Variants in KCNB2 observed in about 807,000 individuals in gnomAD.
KCNB2 encodes delayed rectifier potassium channel protein.
In KCNB2, 15 loss-of-function variants were observed where a neutral mutation model predicts 61.5. That is an observed-to-expected ratio of 0.24 (90% confidence interval 0.16 to 0.38). KCNB2 has a LOEUF of 0.38. Ranked by LOEUF, KCNB2 falls within the 10% of genes least tolerant of loss-of-function variation. The probability of loss-of-function intolerance (pLI) is 1.00; values close to 1 mark genes in which losing one functional copy is unlikely to be tolerated. For missense variants in KCNB2, 828 were observed against 1,125.2 expected, an observed-to-expected ratio of 0.74 and a Z score of 3.78; for synonymous variants, 457 against 446.0, an observed-to-expected ratio of 1.02 and a Z score of -0.31.
chr8:72,800,034 G>A (rs17186056), intron 2 of KCNB2, among the ~76,000 whole-genome samples: 4,037 of 152,168 alleles, frequency 0.027, 64 homozygotes, highest in African/African-American at 0.037. Flanking sequence ...AAACCAAGGC[G>A]AAAACCAATT....
In KCNB2 at chr8:72,725,539, ATG is replaced by A. The variant is rs1163544582; in HGVS notation, c.579+157232_579+157233del. Reference sequence around the variant, plus strand: ...TATATATATATATATATATATATATATGTGTGTATATATATATGTATATATGT... The same window carrying A: ...TATATATATATATATATATATATATATGTGTATATATATATGTATATATGT... On this transcript the variant is annotated intron_variant, in intron 2 of 2. Coordinates refer to ENST00000523207, the MANE Select transcript of KCNB2 (RefSeq NM_004770.3). Among the ~76,000 whole-genome samples, 243 of 38,436 alleles carry A rather than the reference ATG, an allele frequency of 6.3e-3. 1 individual carries two copies. The highest frequency in any genetic ancestry group is 0.021 in the South Asian group (23 of 1,112). The allele number at this position is 38,436 out of a possible 152,430, so 25.2% of individuals were successfully genotyped here.
At chr8:72,700,173 C>T (rs1221593748) in intron 2 of KCNB2, among the ~76,000 whole-genome samples, 1 of 151,886 alleles carries the variant, frequency 6.6e-6, no homozygotes, top group Non-Finnish European at 1.5e-5. Flanking sequence ...GGGAGGGGAA[C>T]ATCACACACC....
intron 1 of KCNB2, among the ~76,000 whole-genome samples, chr8:72,553,535 C>T (rs1806377956): frequency 6.6e-6 from 1 of 152,070 alleles, no homozygotes; most frequent in South Asian, 2.1e-4. Context: ...GATTATTAAT[C>T]AGGTTATCAT....
At chr8:72,849,174 T>A (rs1399651776) in intron 2 of KCNB2, among the ~76,000 whole-genome samples, 2 of 150,966 alleles carry the variant, frequency 1.3e-5, no homozygotes, top group Non-Finnish European at 3.0e-5. Context: ...TTTTACAATA[T>A]CTAAATCATA....
chr8:72,724,461 G>A (rs1256094131), intron 2 of KCNB2, among the ~76,000 whole-genome samples: 2 of 152,118 alleles, frequency 1.3e-5, no homozygotes, highest in Admixed American at 6.5e-5. Context: ...GAGAGCTAGT[G>A]CCTTAATTGG....
rs1563571920 is a variant in KCNB2, at chr8:72,725,551, A to ATGTATG, written c.579+157239_579+157240insGTATGT. ...TATATATATATATATGTGTGTATAT[A>ATGTATG]TATATGTATATATGTATATATATGT... On this transcript the variant is annotated intron_variant, in intron 2 of 2. Coordinates refer to ENST00000523207, the MANE Select transcript of KCNB2 (RefSeq NM_004770.3). 8.9e-4 allele frequency among the ~76,000 whole-genome samples: 66 copies of ATGTATG among 73,924 alleles called. 1 individual carries two copies. The highest frequency in any genetic ancestry group is 2.3e-3 in the African/African-American group (47 of 20,348). 48.5% of individuals were successfully genotyped at this position (73,924 alleles called of 152,430 possible).
intron 2 of KCNB2, among the ~76,000 whole-genome samples, chr8:72,690,034 G>A (rs1205609814): frequency 8.1e-5 from 6 of 73,818 alleles, no homozygotes; most frequent in South Asian, 7.0e-4. Context: ...CCTTGCCCTC[G>A]CCATAAAAAA....
At chr8:72,554,819 G>A (rs1806398422) in intron 1 of KCNB2, among the ~76,000 whole-genome samples, 2 of 152,018 alleles carry the variant, frequency 1.3e-5, no homozygotes, top group Admixed American at 1.3e-4. Context: ...TAAAAATTCA[G>A]AGCTGCCAAA....
At chr8:72,637,966 C>T (rs188934968) in intron 2 of KCNB2, among the ~76,000 whole-genome samples, 59 of 152,250 alleles carry the variant, frequency 3.9e-4, no homozygotes, top group Admixed American at 2.3e-3. Flanking sequence ...TTTCCTTCCT[C>T]CTCCTCTCAC....
chr8:72,583,685 A>G (rs1179797765), intron 2 of KCNB2, among the ~76,000 whole-genome samples: 2 of 152,172 alleles, frequency 1.3e-5, no homozygotes, highest in Non-Finnish European at 2.9e-5. Flanking sequence ...TGCATTGAAA[A>G]TAGAAAATTG....
chr8:72,735,459 C>A (rs890779311), intron 2 of KCNB2, among the ~76,000 whole-genome samples: 10 of 152,126 alleles, frequency 6.6e-5, no homozygotes, highest in Non-Finnish European at 1.5e-5. Context: ...GGGTAAAGGT[C>A]TCACATGCAA....
At chr8:72,743,600 G>A (rs1808005628) in intron 2 of KCNB2, among the ~76,000 whole-genome samples, 1 of 152,120 alleles carries the variant, frequency 6.6e-6, no homozygotes, top group African/African-American at 2.4e-5. Context: ...TGAGCCCATG[G>A]CATTTTTATT....
intron 2 of KCNB2, among the ~76,000 whole-genome samples, chr8:72,826,185 C>G (rs954912354): frequency 6.6e-6 from 1 of 152,134 alleles, no homozygotes; most frequent in African/African-American, 2.4e-5. Context: ...ACTTTGGTAT[C>G]CATTACGTAT....
Position 72,539,218 on chromosome 8 carries a change from A to T in KCNB2, c.-94+1333A>T, listed in dbSNP as rs768359129. On this transcript the variant is annotated intron_variant, in intron 1 of 2. Transcript: ENST00000523207. ...AGTTTAGTAATTTGGCACATTACACATGTGTATGCGCATTTAATTGCCGTT... is the reference window on the plus strand; with the variant it reads ...AGTTTAGTAATTTGGCACATTACACTTGTGTATGCGCATTTAATTGCCGTT... Among the ~76,000 whole-genome samples the T allele has an allele frequency of 1.5e-4, 23 of 152,192 alleles. 1 individual carries two copies. The highest frequency in any genetic ancestry group is 6.3e-3 in the Middle Eastern group (2 of 316).
chr8:72,602,629 G>A (rs865982990), intron 2 of KCNB2, among the ~76,000 whole-genome samples: 37 of 152,226 alleles, frequency 2.4e-4, no homozygotes, highest in African/African-American at 8.4e-4. Context: ...TTCAGCAATA[G>A]CCATTTTACT....
chr8:72,642,842 T>C (rs1168971611), intron 2 of KCNB2, among the ~76,000 whole-genome samples: 1 of 152,170 alleles, frequency 6.6e-6, no homozygotes. Context: ...AGTTGAGACA[T>C]ATTTTGTAGC....
chr8:72,768,211 C>G (rs1283373179), intron 2 of KCNB2, among the ~76,000 whole-genome samples: 1 of 152,076 alleles, frequency 6.6e-6, no homozygotes, highest in African/African-American at 2.4e-5. Flanking sequence ...GAGTCTCACC[C>G]TGTTGCCCAG....
Position 72,739,901 on chromosome 8 carries a change from G to A in KCNB2, c.579+171588G>A, listed in dbSNP as rs980234517. On this transcript the variant is annotated intron_variant, in intron 2 of 2. Transcript: ENST00000523207. ...CAGAAGAGAGAAACCACATAAAGTT[G>A]TGCCATGTACAATACTGTACACAAA... is the stretch of plus-strand genomic sequence containing the variant. Among the ~76,000 whole-genome samples, 12 of 152,202 alleles carry A rather than the reference G, an allele frequency of 7.9e-5. No individual in the cohort carries two copies. In the East Asian group the frequency reaches 2.3e-3, roughly 29 times the overall value.
chr8:72,812,076 A>C (rs1389362520), intron 2 of KCNB2, among the ~76,000 whole-genome samples: 1 of 152,164 alleles, frequency 6.6e-6, no homozygotes, highest in African/African-American at 2.4e-5. Context: ...AGCCTGCCCA[A>C]CATGGTGAAA....
Sources: gnomAD v4.1 joint callset for allele counts (sites outside exome capture counted in the v4.1 genomes callset) on GRCh38, gnomAD v4.1.1 for gene constraint, MANE v1.5 for transcripts, NCBI Gene and HGNC (gene_info 2026-07-23, HGNC 2026-07-21) for gene names.